The following MEGF10 variants were observed in gnomAD, a reference collection of about 807,000 sequenced individuals.
MEGF10 encodes multiple epidermal growth factor-like domains protein 10.
In MEGF10, 86 loss-of-function variants were observed where a neutral mutation model predicts 147.5. The ratio of observed to expected loss-of-function variants is 0.58; its 90% CI spans 0.49 to 0.70. The LOEUF (loss-of-function observed/expected upper bound fraction) is 0.70. MEGF10 is among the 30% of genes least tolerant of loss of function. The pLI is 0.00. For synonymous variants in MEGF10, 478 were observed against 525.5 expected (o/e 0.91, Z 1.24); for missense variants, 1,329 against 1,487.3 (o/e 0.89, Z 1.75).
Position 127,318,365 on chromosome 5 carries a change from C to T in MEGF10, c.-18-12926C>T, listed in dbSNP as rs547063720. On this transcript the variant is annotated intron_variant, in intron 1 of 24. Transcript: ENST00000503335. ...AAAAAGTCAAACTGAGGGATAAAAA[C>T]TTGATGATGTTTTCAGGAATATCCA... Among the ~76,000 whole-genome samples the T allele has an allele frequency of 6.6e-5, 10 of 152,272 alleles. No homozygotes were observed. The East Asian group carries it at 1.7e-3, about 26-fold the overall frequency.
rs1337347431 is a variant in MEGF10, at chr5:127,433,365, G to A, written c.1696G>A (p.Val566Ile). ...TTGCCCCATGTGCATTATTTCAGGT[G>A]TCCACTGTGACAGCGTGTGTGCTGA... Reference protein sequence around the residue: ...HCRCLPGWSGVHCDSVCAEGR... With the variant: ...HCRCLPGWSGIHCDSVCAEGR... The change falls in exon 14 of 25, where the codon GTC (valine) becomes ATC (isoleucine). Residue 566 changes from valine to isoleucine, a missense_variant and splice_region_variant. This residue lies in a region of MEGF10 where 980 missense variants were observed against 1,085.9 expected (regional missense o/e 0.90). Coordinates refer to ENST00000503335, the MANE Select transcript of MEGF10 (RefSeq NM_001256545.2). The A allele has an allele frequency of 4.3e-6, 7 of 1,614,072 alleles. No homozygotes were observed. The highest frequency in any genetic ancestry group is 5.9e-6 in the Non-Finnish European group (7 of 1,180,038).
the MEGF10 span, among the ~76,000 whole-genome samples, chr5:127,252,870 A>G: frequency 1.3e-5 from 2 of 151,910 alleles, no homozygotes; most frequent in African/African-American, 2.4e-5. Flanking sequence ...TCTAATTCCT[A>G]TGACTTTAGC....
intron 8 of MEGF10, among the ~76,000 whole-genome samples, chr5:127,403,122 G>A (rs1027115184): frequency 6.6e-6 from 1 of 152,086 alleles, no homozygotes; most frequent in South Asian, 2.1e-4. Context: ...GTGTGGTGGC[G>A]ATAGAGTCAG....
At chr5:127,389,719 C>T (rs760458788) in intron 5 of MEGF10, among the ~76,000 whole-genome samples, 1 of 151,980 alleles carries the variant, frequency 6.6e-6, no homozygotes, top group Non-Finnish European at 1.5e-5. Flanking sequence ...GAGCTAAATA[C>T]CGAGAACACA....
At chr5:127,240,798 AATC>A in the MEGF10 span, among the ~76,000 whole-genome samples, 1 of 152,242 alleles carries the variant, frequency 6.6e-6, no homozygotes, top group African/African-American at 2.4e-5. Flanking sequence ...ATAAACAAAG[AATC>A]ATCACTTATA....
chr5:127,334,321 G>T (rs1020304218), intron 2 of MEGF10, among the ~76,000 whole-genome samples: 4 of 152,170 alleles, frequency 2.6e-5, no homozygotes, highest in Middle Eastern at 3.4e-3. Flanking sequence ...TCAGACTGTG[G>T]TTTGCAGAGC....
chr5:127,404,922 C>T (rs2126939841), intron 8 of MEGF10, among the ~76,000 whole-genome samples: 1 of 152,100 alleles, frequency 6.6e-6, no homozygotes, highest in Middle Eastern at 3.4e-3. Context: ...CACTGTGTTG[C>T]CCAGGTTGGT....
At chr5:127,439,477 T>A (rs1765677948) in intron 17 of MEGF10, among the ~76,000 whole-genome samples, 1 of 152,176 alleles carries the variant, frequency 6.6e-6, no homozygotes, top group Non-Finnish European at 1.5e-5. Context: ...TTAGAAACTT[T>A]CTAGAAGATA....
At chr5:127,247,443 GAAGAAGAAGAAGAAGAAGAA>G in the MEGF10 span, among the ~76,000 whole-genome samples, 1 of 118,210 alleles carries the variant, frequency 8.5e-6, no homozygotes, top group African/African-American at 3.9e-5. Context: ...AGAAGAAGAA[GAAGAAGAAGAAGAAGAAGAA>G]GAAGAAGAAG....
the MEGF10 span, among the ~76,000 whole-genome samples, chr5:127,253,741 C>G: frequency 5.9e-5 from 9 of 151,830 alleles, no homozygotes; most frequent in African/African-American, 1.9e-4. Context: ...GCAAAAATAA[C>G]AGAAAATTCA....
rs1387603431 is a variant in MEGF10 at position 127,447,571 on chromosome 5, A to G, written c.2743A>G (p.Ser915Gly). The change falls in exon 21 of 25, where the codon AGC (serine) becomes GGC (glycine). Residue 915 changes from serine (S) to glycine (G), a missense_variant. Ser to Gly is a moderately conservative substitution (Grantham distance 56). This residue lies in a region of MEGF10 where 343 missense variants were observed against 377.9 expected (regional missense o/e 0.91). Transcript: ENST00000503335. ...CCTTCTTGCAGGAACCCTTCCTCAC[A>G]GCAATGGTGGAAACGCTAATAGCCA... ...DYTISGTLPH[S>G]NGGNANSHYF... 4.3e-6 allele frequency: 7 copies of G among 1,614,108 alleles called. No homozygotes were observed. The highest frequency in any genetic ancestry group is 5.9e-6 in the Non-Finnish European group (7 of 1,179,998).
the MEGF10 span, among the ~76,000 whole-genome samples, chr5:127,252,674 G>A: frequency 6.6e-6 from 1 of 151,892 alleles, no homozygotes; most frequent in Non-Finnish European, 1.5e-5. Context: ...GGGTGGGATA[G>A]GGTGAGAGAG....
chr5:127,280,351 G>C, the MEGF10 span, among the ~76,000 whole-genome samples: 3 of 152,240 alleles, frequency 2.0e-5, no homozygotes, highest in Admixed American at 2.0e-4. Context: ...TTCCATACAA[G>C]ATGCAAAGAG....
At chr5:127,265,199 A>C in the MEGF10 span, among the ~76,000 whole-genome samples, 1 of 152,162 alleles carries the variant, frequency 6.6e-6, no homozygotes. Flanking sequence ...TAGTTTGCTG[A>C]GAATGATGGT....
the MEGF10 span, among the ~76,000 whole-genome samples, chr5:127,237,872 T>C: frequency 6.6e-6 from 1 of 152,114 alleles, no homozygotes; most frequent in Admixed American, 6.5e-5. Context: ...CTATGGTGTC[T>C]TCTACTGAAT....
chr5:127,298,187 TC>T, intron 1 of MEGF10, among the ~76,000 whole-genome samples: 1 of 152,286 alleles, frequency 6.6e-6, no homozygotes, highest in South Asian at 2.1e-4. Flanking sequence ...TCACCGCCCA[TC>T]TTTTTCTGAA....
chr5:127,408,979 A>G (rs1764443083), intron 8 of MEGF10, among the ~76,000 whole-genome samples: 1 of 152,112 alleles, frequency 6.6e-6, no homozygotes. Flanking sequence ...CAGGCGGCAG[A>G]GGTGGGAGGG....
chr5:127,336,908 C>T (rs1024718633), intron 2 of MEGF10, among the ~76,000 whole-genome samples: 5 of 152,166 alleles, frequency 3.3e-5, no homozygotes, highest in Non-Finnish European at 4.4e-5. Context: ...ACACAGAGGA[C>T]GTTCATTCAC....
At chr5:127,241,528 T>C in the MEGF10 span, among the ~76,000 whole-genome samples, 1 of 152,130 alleles carries the variant, frequency 6.6e-6, no homozygotes, top group African/African-American at 2.4e-5. Flanking sequence ...TTATGTGATA[T>C]GATTTTTTGG....
Sources: gnomAD v4.1 joint callset for allele counts (sites outside exome capture counted in the v4.1 genomes callset) on GRCh38, gnomAD v4.1.1 for gene constraint, gnomAD v4.1.1 regional missense constraint, MANE v1.5 for transcripts, NCBI Gene and HGNC (gene_info 2026-07-23, HGNC 2026-07-21) for gene names.